The following CHD4 variants were observed in gnomAD, a reference collection of about 807,000 sequenced individuals.
CHD4 encodes chromodomain helicase DNA binding protein 4.
A neutral mutation model predicts 235.5 loss-of-function variants in CHD4; 35 were observed. That is an observed-to-expected ratio of 0.15 (90% CI 0.11 to 0.20). The LOEUF is 0.20. Ranked by LOEUF, CHD4 falls within the 10% of genes least tolerant of loss-of-function variation. The probability of loss-of-function intolerance (pLI) is 1.00; values close to 1 mark genes in which losing one functional copy is unlikely to be tolerated. For synonymous variants in CHD4, 900 were observed against 850.2 expected (o/e 1.06, Z -1.02); for missense variants, 1,329 against 2,432.3 (o/e 0.55, Z 9.54).
At chr12:6,583,676 C>T in intron 25 of CHD4, 1 of 302,016 alleles carries the variant, frequency 3.3e-6, no homozygotes, top group Non-Finnish European at 6.0e-6. Flanking sequence ...GATGCATATA[C>T]AATTGAAAGA....
chr12:6,577,263 T>C (rs1948086610), intron 37 of CHD4, among the ~76,000 whole-genome samples: 1 of 142,982 alleles, frequency 7.0e-6, no homozygotes, highest in Admixed American at 7.0e-5. Context: ...CTACTAAAAA[T>C]CCAAAAAAAA....
chr12:6,588,166 TA>T, intron 23 of CHD4, 131 bp downstream of exon 23: 1 of 1,305,300 alleles, frequency 7.7e-7, no homozygotes, highest in Non-Finnish European at 1.1e-6. Flanking sequence ...TACAATAAGG[TA>T]AACAACACAA....
chr12:6,586,099 C>CA (rs1361078103), intron 25 of CHD4, among the ~76,000 whole-genome samples: 134 of 143,618 alleles, frequency 9.3e-4, no homozygotes, highest in Middle Eastern at 3.8e-3. Flanking sequence ...GACTCCGTAT[C>CA]AAAAAAAAAA....
chr12:6,582,907 G>A lies in CHD4; in HGVS notation c.4177C>T (p.Arg1393Trp). 6.2e-7 allele frequency: 1 copy of A among 1,613,932 alleles called. No homozygotes were observed. Among genetic ancestry groups the A allele is most frequent in the South Asian group, 1.1e-5 (1 of 91,082 alleles). Residue 1393 changes from arginine (R) to tryptophan (W), a missense_variant, in exon 28 of 40, where the codon CGG becomes TGG. Arg to Trp is a moderately radical substitution (Grantham distance 101). This residue lies in a region of CHD4 where 46 missense variants were observed against 85.6 expected (regional missense o/e 0.54). Transcript: ENST00000544040. ...APRRPSRKGL[R>W]NDKDKPLPPL... is the part of the protein sequence containing the mutation. ...GGCAATGGCTTATCTTTATCATTCC[G>A]CAGGCCCTTACGACTGGGCCTACGG...
chr12:6,591,544 G>T lies in CHD4; in HGVS notation c.3262C>A (p.His1088Asn). 1 of 1,614,238 alleles carries T rather than the reference G, an allele frequency of 6.2e-7. No individual in the cohort carries two copies. Among genetic ancestry groups the T allele is most frequent in the East Asian group, 2.2e-5 (1 of 44,892 alleles). ...MLDLLEDFLE[H>N]EGYKYERIDG... The stretch of plus-strand genomic sequence containing the variant: ...ATGCGTTCGTATTTATAACCTTCAT[G>T]TTCCAAGAAATCCTCTAGCAGGTCT... Residue 1088 changes from histidine to asparagine, a missense_variant, in exon 22 of 40, where the codon CAT (histidine) becomes AAT (asparagine). By Grantham distance (68) the His-to-Asn change is moderately conservative (BLOSUM62 1). Transcript: ENST00000544040.
chr12:6,572,875 T>TAA (rs747990661), intron 38 of CHD4, 199 bp downstream of exon 38: 394 of 405,114 alleles, frequency 9.7e-4, no homozygotes, highest in Middle Eastern at 2.0e-3. Context: ...TCCATCTCTT[T>TAA]AAAAAAAAAA....
Position 6,601,067 on chromosome 12 carries a change from A to G in CHD4, c.800-14T>C. On this transcript the variant is annotated splice_polypyrimidine_tract_variant and intron_variant, in intron 6 of 39. Coordinates refer to ENST00000544040, the MANE Select transcript of CHD4 (RefSeq NM_001273.5). ...GAGCATTGGGACCTAAAATCAGGAT[A>G]TATCCAAATATATACCACAAGACCA... The G allele has an allele frequency of 1.9e-6, 3 of 1,547,434 alleles. No homozygotes were observed. In the South Asian group the frequency reaches 3.7e-5, roughly 19 times the overall value.
At chr12:6,575,872 C>T (rs777500246) in intron 37 of CHD4, among the ~76,000 whole-genome samples, 2 of 152,144 alleles carry the variant, frequency 1.3e-5, no homozygotes, top group Non-Finnish European at 2.9e-5. Context: ...TCTGCTATTT[C>T]CAGACATACT....
intron 2 of CHD4, among the ~76,000 whole-genome samples, chr12:6,603,639 G>A (rs1948637298): frequency 6.6e-6 from 1 of 152,082 alleles, no homozygotes; most frequent in Non-Finnish European, 1.5e-5. Context: ...CCTACTCTGG[G>A]ATGACAACAG....
Position 6,602,391 on chromosome 12 carries a change from C to T in CHD4, c.207G>A (p.Lys69=). 2 of 1,613,598 alleles carry T rather than the reference C, an allele frequency of 1.2e-6. No individual in the cohort carries two copies. The highest frequency in any genetic ancestry group is 1.7e-6 in the Non-Finnish European group (2 of 1,179,910). The change falls in exon 3 of 40, where the codon AAG becomes AAA. Residue 69 remains lysine, a synonymous_variant. Transcript: ENST00000544040. ...ACCCACTCACCTCCTTTTTTTGGCGCTTGCTCTTAGGGATTTTAGGGTCCC... is the reference window on the plus strand; with the variant it reads ...ACCCACTCACCTCCTTTTTTTGGCGTTTGCTCTTAGGGATTTTAGGGTCCC... ...KPRDPKIPKS[K]RQKKERMLLC... is the part of the protein sequence containing the mutation.
chr12:6,580,922 G>A (rs1165505914), intron 33 of CHD4, 122 bp downstream of exon 33: 17 of 1,057,402 alleles, frequency 1.6e-5, no homozygotes, highest in South Asian at 7.5e-5. Flanking sequence ...CAGGAGAATC[G>A]CTCGAACCTG....
chr12:6,602,619 T>A, intron 2 of CHD4, 122 bp from the exon 3 acceptor site: 1 of 1,249,348 alleles, frequency 8.0e-7, no homozygotes, highest in Non-Finnish European at 1.1e-6. Flanking sequence ...TGAAGAGAAC[T>A]GCTATACTCT....
At chr12:6,600,151 G>T (rs895593638) in intron 9 of CHD4, 66 bp downstream of exon 9, 1 of 1,561,320 alleles carries the variant, frequency 6.4e-7, no homozygotes. Context: ...TCCAGGCCCC[G>T]AAGAGCTTTA....
At position 6,570,891 on chromosome 12, in the gene CHD4, G is replaced by A. The variant is rs143443554; in HGVS notation, c.5699C>T (p.Ala1900Val). Reference protein sequence around the residue: ...RNILSRLANRAPEPTPQQVAQ... With the variant: ...RNILSRLANRVPEPTPQQVAQ... ...TACCTGCTGTGGGGTAGGTTCGGGTGCCCGGTTTGCCAGGCGGCTGAGAAT... is the reference window on the plus strand; with the variant it reads ...TACCTGCTGTGGGGTAGGTTCGGGTACCCGGTTTGCCAGGCGGCTGAGAAT... Residue 1900 changes from alanine to valine, a missense_variant, in exon 39 of 40, where the codon GCA becomes GTA. Transcript: ENST00000544040. 6.2e-7 allele frequency: 1 copy of A among 1,614,190 alleles called. No homozygotes were observed. Among genetic ancestry groups the A allele is most frequent in the South Asian group, 1.1e-5 (1 of 91,078 alleles).
At position 6,602,146 on chromosome 12, in the gene CHD4, G is replaced by C. The variant is rs202139891; in HGVS notation, c.252C>G (p.Asp84Glu). The change falls in exon 4 of 40, where the codon GAC becomes GAG. Residue 84 changes from aspartate (D) to glutamate (E), a missense_variant. Physicochemically the swap from Asp to Glu is conservative, Grantham distance 45 (BLOSUM62 2). Around this residue, in one of 26 missense-constraint regions of CHD4, gnomAD observed 213 missense variants for 177.5 expected, o/e 1.20. Coordinates refer to ENST00000544040, the MANE Select transcript of CHD4 (RefSeq NM_001273.5). Reference sequence around the variant, plus strand: ...CAAACTCTGGCCCCTCCCCAGAGCTGTCCCCCAGCTGCCGGCATAAGAGCA... The same window carrying C: ...CAAACTCTGGCCCCTCCCCAGAGCTCTCCCCCAGCTGCCGGCATAAGAGCA... ...ERMLLCRQLG[D>E]SSGEGPEFVE... The C allele has an allele frequency of 3.6e-5, 58 of 1,613,924 alleles. 1 individual carries two copies. The African/African-American group carries it at 6.1e-4, about 17-fold the overall frequency.
chr12:6,598,686 G>A (rs969470846), intron 10 of CHD4, among the ~76,000 whole-genome samples: 16 of 152,310 alleles, frequency 1.1e-4, no homozygotes, highest in African/African-American at 3.6e-4. Context: ...GCATGCGCCT[G>A]TAGTCCCAGC....
At chr12:6,599,323 G>GCTA (rs1009546171) in intron 10 of CHD4, among the ~76,000 whole-genome samples, 1 of 151,716 alleles carries the variant, frequency 6.6e-6, no homozygotes, top group African/African-American at 2.4e-5. Flanking sequence ...AGTACTCCTA[G>GCTA]CTACTCAGCA....
Position 6,570,921 on chromosome 12 carries a change from C to A in CHD4, c.5669G>T (p.Arg1890Leu), listed in dbSNP as rs201121936. 2 of 1,614,182 alleles carry A rather than the reference C, an allele frequency of 1.2e-6. No homozygotes were observed. Among genetic ancestry groups the A allele is most frequent in the Admixed American group, 3.3e-5 (2 of 60,014 alleles). ...PVAVRLQMSE[R>L]NILSRLANRA... ...GTTTGCCAGGCGGCTGAGAATGTTA[C>A]GCTCTGACATCTGTAACCTCACAGC... Residue 1890 changes from arginine to leucine, a missense_variant, in exon 39 of 40, where the codon CGT becomes CTT. Coordinates refer to ENST00000544040, the MANE Select transcript of CHD4 (RefSeq NM_001273.5).
chr12:6,600,465 T>TC, intron 8 of CHD4, 69 bp downstream of exon 8: 1 of 677,836 alleles, frequency 1.5e-6, no homozygotes, highest in Non-Finnish European at 2.6e-6. Context: ...GACCCCTATC[T>TC]CCTTAGGGAG....
Sources: gnomAD v4.1 joint callset for allele counts (sites outside exome capture counted in the v4.1 genomes callset) on GRCh38, gnomAD v4.1.1 for gene constraint, gnomAD v4.1.1 regional missense constraint, MANE v1.5 for transcripts, NCBI Gene and HGNC (gene_info 2026-07-23, HGNC 2026-07-21) for gene names.